The following LRP1B variants were observed in gnomAD, a reference collection of about 807,000 sequenced individuals.
The protein encoded by LRP1B is LDL receptor related protein 1B, also known as low-density lipoprotein receptor-related protein 1B.
A neutral mutation model predicts 556.6 loss-of-function variants in LRP1B; 217 were observed. The ratio of observed to expected loss-of-function variants is 0.39; its 90% CI spans 0.35 to 0.44. The LOEUF is 0.44. Among genes scored for constraint, LRP1B ranks in the 20% least tolerant of loss-of-function variants. The pLI is 1.00. For missense variants in LRP1B, 5,053 were observed against 5,620.8 expected (o/e 0.90, Z 3.23); for synonymous variants, 2,047 against 1,865.8 (o/e 1.10, Z -2.50).
chr2:141,730,562 T>C (rs965509274), intron 2 of LRP1B, among the ~76,000 whole-genome samples: 4 of 152,192 alleles, frequency 2.6e-5, no homozygotes, highest in Non-Finnish European at 4.4e-5. Flanking sequence ...TCTGGCATTC[T>C]TGTTGTCCCT....
At chr2:140,725,292 G>T (rs1385743085) in intron 35 of LRP1B, among the ~76,000 whole-genome samples, 1 of 151,436 alleles carries the variant, frequency 6.6e-6, no homozygotes, top group Non-Finnish European at 1.5e-5. Context: ...TTTTATTCCT[G>T]TTCTGTGCCA....
At chr2:140,551,295 A>G (rs1043083880) in intron 43 of LRP1B, among the ~76,000 whole-genome samples, 1 of 152,180 alleles carries the variant, frequency 6.6e-6, no homozygotes, top group Non-Finnish European at 1.5e-5. Flanking sequence ...CTGCTCTGGT[A>G]TGCCATCTAA....
chr2:140,342,434 A>C (rs2105098835), intron 77 of LRP1B, among the ~76,000 whole-genome samples: 1 of 151,690 alleles, frequency 6.6e-6, no homozygotes, highest in Admixed American at 6.6e-5. Flanking sequence ...CTTCTCACAA[A>C]TTAATCTAGA....
chr2:141,396,013 T>C (rs567558698), intron 3 of LRP1B, among the ~76,000 whole-genome samples: 21 of 152,296 alleles, frequency 1.4e-4, no homozygotes, highest in African/African-American at 4.8e-4. Context: ...AATGATACAA[T>C]TATTTTGGAA....
chr2:141,574,049 T>C (rs1293886819), intron 2 of LRP1B, among the ~76,000 whole-genome samples: 1 of 152,114 alleles, frequency 6.6e-6, no homozygotes, highest in Non-Finnish European at 1.5e-5. Context: ...CTACTAAAAC[T>C]ATTCCAAACA....
At chr2:140,913,224 T>C (rs922151961) in intron 21 of LRP1B, among the ~76,000 whole-genome samples, 1 of 151,972 alleles carries the variant, frequency 6.6e-6, no homozygotes, top group East Asian at 1.9e-4. Context: ...TTTTTGAGTA[T>C]TATATGCTTG....
intron 50 of LRP1B, among the ~76,000 whole-genome samples, chr2:140,516,450 C>T (rs1165531385): frequency 2.6e-5 from 4 of 152,036 alleles, no homozygotes; most frequent in Non-Finnish European, 5.9e-5. Context: ...GGGACTTGAG[C>T]ATCCATGGAT....
At chr2:141,515,979 T>C (rs929237125) in intron 2 of LRP1B, among the ~76,000 whole-genome samples, 12 of 152,182 alleles carry the variant, frequency 7.9e-5, no homozygotes, top group African/African-American at 1.9e-4. Flanking sequence ...TTAAAAAACA[T>C]ATATTGTCTG....
intron 59 of LRP1B, among the ~76,000 whole-genome samples, chr2:140,482,726 A>T (rs1180244133): frequency 6.6e-6 from 1 of 152,178 alleles, no homozygotes; most frequent in Non-Finnish European, 1.5e-5. Context: ...CCCCCAAGAC[A>T]TCTTCTAAAA....
intron 5 of LRP1B, among the ~76,000 whole-genome samples, chr2:141,245,218 A>T (rs1202385583): frequency 6.6e-6 from 1 of 152,182 alleles, no homozygotes; most frequent in East Asian, 1.9e-4. Context: ...ATTTTTCTCA[A>T]GGATTGCCTT....
At chr2:141,848,168 A>C (rs753750459) in intron 1 of LRP1B, among the ~76,000 whole-genome samples, 12 of 151,562 alleles carry the variant, frequency 7.9e-5, no homozygotes, top group Non-Finnish European at 1.6e-4. Context: ...ATTGTTTATG[A>C]TAATTAGGTA....
intron 9 of LRP1B, among the ~76,000 whole-genome samples, chr2:141,058,660 A>G (rs996413293): frequency 6.6e-6 from 1 of 151,852 alleles, no homozygotes; most frequent in Non-Finnish European, 1.5e-5. Flanking sequence ...AAATCTAGCT[A>G]TCATTTCAAT....
At chr2:141,086,599 AAGG>A (rs1574059542) in intron 7 of LRP1B, among the ~76,000 whole-genome samples, 3 of 150,204 alleles carry the variant, frequency 2.0e-5, no homozygotes, top group East Asian at 3.9e-4. Context: ...AGGATATTTT[AAGG>A]AGGTTAGTAT....
At chr2:141,531,132 A>T (rs1375488491) in intron 2 of LRP1B, among the ~76,000 whole-genome samples, 2 of 152,132 alleles carry the variant, frequency 1.3e-5, no homozygotes, top group African/African-American at 4.8e-5. Context: ...TCTGCATTGG[A>T]TAGATGTAGC....
intron 41 of LRP1B, among the ~76,000 whole-genome samples, chr2:140,649,213 CT>C (rs1684589689): frequency 6.6e-6 from 1 of 152,146 alleles, no homozygotes; most frequent in African/African-American, 2.4e-5. Context: ...TAGTGATTTC[CT>C]ACCTAATTCA....
chr2:140,601,816 C>T (rs2105200509), intron 41 of LRP1B, among the ~76,000 whole-genome samples, 177 bp from the exon 42 acceptor site: 1 of 152,182 alleles, frequency 6.6e-6, no homozygotes, highest in South Asian at 2.1e-4. Flanking sequence ...GCTTATTATA[C>T]ATATATAATG....
intron 43 of LRP1B, among the ~76,000 whole-genome samples, chr2:140,561,277 A>T (rs757767761): frequency 3.3e-5 from 5 of 152,168 alleles, no homozygotes; most frequent in Non-Finnish European, 5.9e-5. Context: ...CATTTCATAG[A>T]GATCCTGCCC....
intron 23 of LRP1B, among the ~76,000 whole-genome samples, chr2:140,894,391 G>A (rs1053528787): frequency 3.3e-5 from 5 of 152,146 alleles, no homozygotes; most frequent in Non-Finnish European, 7.3e-5. Context: ...GGCCTGTGCT[G>A]TGGTGCAGAT....
chr2:140,989,758 T>G (rs2105353432), intron 16 of LRP1B, 101 bp from the exon 17 acceptor site: 5 of 1,120,626 alleles, frequency 4.5e-6, no homozygotes, highest in Middle Eastern at 2.1e-4. Context: ...AATATTATAG[T>G]ACAATAAATG....
Sources: gnomAD v4.1 joint callset for allele counts (sites outside exome capture counted in the v4.1 genomes callset) on GRCh38, gnomAD v4.1.1 for gene constraint, MANE v1.5 for transcripts, NCBI Gene and HGNC (gene_info 2026-07-23, HGNC 2026-07-21) for gene names.